The following KIF1B variants were observed in gnomAD, a reference collection of about 807,000 sequenced individuals.
KIF1B encodes kinesin family member 1B.
KIF1B carries 76 observed loss-of-function variants against 241.9 expected under a neutral mutation model. That is an observed-to-expected ratio of 0.31 (90% CI 0.26 to 0.38). KIF1B has a LOEUF of 0.38. KIF1B is among the 10% of genes least tolerant of loss of function. The pLI is 1.00. For synonymous variants in KIF1B, 750 were observed against 796.7 expected (o/e 0.94, Z 0.99); for missense variants, 1,622 against 2,271.4 (o/e 0.71, Z 5.81).
chr1:10,241,986 A>C (rs543010555), intron 2 of KIF1B, among the ~76,000 whole-genome samples: 2 of 152,280 alleles, frequency 1.3e-5, no homozygotes, highest in South Asian at 4.1e-4. Context: ...TTTCGGTAGT[A>C]CCTGTTTATC....
chr1:10,216,957 C>CTT lies in KIF1B; in HGVS notation c.-80+6112_-80+6113dup, dbSNP rs70998362. 3.9e-3 allele frequency among the ~76,000 whole-genome samples: 211 copies of CTT among 54,500 alleles called. 11 individuals are homozygous for CTT. Among genetic ancestry groups the CTT allele is most frequent in the East Asian group, 0.011 (13 of 1,170 alleles). The allele number at this position is 54,500 out of a possible 152,430, so 35.8% of individuals were successfully genotyped here. ...TTTCCCTGCAGTACTTGCCCATTTT[C>CTT]TTTTTTTTTTTTTTTTTTTTTTTTT... On this transcript the variant is annotated intron_variant, in intron 1 of 48. Transcript: ENST00000676179.
At chr1:10,373,990 G>A (rs1198267280) in intron 45 of KIF1B, among the ~76,000 whole-genome samples, 2 of 152,276 alleles carry the variant, frequency 1.3e-5, no homozygotes, top group East Asian at 1.9e-4. Context: ...TGTGGCCATG[G>A]GACTAAAAAG....
At chr1:10,361,914 C>T (rs1181091404) in intron 40 of KIF1B, 89 bp downstream of exon 40, 13 of 1,483,682 alleles carry the variant, frequency 8.8e-6, no homozygotes, top group East Asian at 2.3e-5. Context: ...TACTGTCTCA[C>T]GGTTAGTTTA....
At chr1:10,291,024 C>T (rs1368800656) in intron 15 of KIF1B, 58 bp from the exon 16 acceptor site, 1 of 1,342,802 alleles carries the variant, frequency 7.4e-7, no homozygotes, top group South Asian at 1.2e-5. Flanking sequence ...GCTTTTCTAG[C>T]ATGGTATGTT....
chr1:10,305,435 T>G (rs2102274314), intron 22 of KIF1B: 1 of 1,057,622 alleles, frequency 9.5e-7, no homozygotes, highest in East Asian at 5.2e-5. Context: ...AGTGAACTAT[T>G]CACCAAAATC....
At position 10,290,626 on chromosome 1, in the gene KIF1B, C is replaced by T. The variant is rs576371646; in HGVS notation, c.1435-456C>T. The stretch of plus-strand genomic sequence containing the variant: ...CCTCCTGAGTAGCTGGGATTACAGG[C>T]GCCTGCCACCATGCCCACGTGGATC... On this transcript the variant is annotated intron_variant, in intron 15 of 48. Transcript: ENST00000676179. 4.6e-5 allele frequency among the ~76,000 whole-genome samples: 7 copies of T among 151,930 alleles called. 2 individuals are homozygous for T. The highest frequency in any genetic ancestry group is 1.7e-4 in the African/African-American group (7 of 41,468).
chr1:10,224,337 C>T (rs546663064), intron 1 of KIF1B, among the ~76,000 whole-genome samples: 1 of 151,662 alleles, frequency 6.6e-6, no homozygotes, highest in African/African-American at 2.4e-5. Flanking sequence ...AGGATGGTCT[C>T]GATTTCCTGA....
Position 10,236,012 on chromosome 1 carries a change from C to A in KIF1B, c.106+3578C>A, listed in dbSNP as rs1647046850. The stretch of plus-strand genomic sequence containing the variant: ...TTTGGGCCGGGCACGGTGGCTCAAG[C>A]CTCTAATCCCAGCACTTTGGGAGGC... On this transcript the variant is annotated intron_variant, in intron 2 of 48. Transcript: ENST00000676179. 2.6e-5 allele frequency among the ~76,000 whole-genome samples: 4 copies of A among 151,938 alleles called. No homozygotes were observed. The South Asian group carries it at 8.3e-4, about 31-fold the overall frequency.
chr1:10,310,036 G>A lies in KIF1B; in HGVS notation c.2116-10007G>A, dbSNP rs540045683. On this transcript the variant is annotated intron_variant, in intron 22 of 48. Coordinates refer to ENST00000676179, the MANE Select transcript of KIF1B (RefSeq NM_001365951.3). ...GCTCTTTCTGCCCAGCCCACCACAAGTTGACTCACTGTTTTAATAATGATG... is the reference window on the plus strand; with the variant it reads ...GCTCTTTCTGCCCAGCCCACCACAAATTGACTCACTGTTTTAATAATGATG... Among the ~76,000 whole-genome samples the A allele has an allele frequency of 7.3e-5, 11 of 151,462 alleles. No individual in the cohort carries two copies. In the South Asian group the frequency reaches 8.3e-4, roughly 11 times the overall value.
At position 10,210,895 on chromosome 1, in the gene KIF1B, G is replaced by GGCCGCGGTTGGC. The variant is rs1553159069; in HGVS notation, c.-80+26_-80+37dup. On this transcript the variant is annotated intron_variant, in intron 1 of 48. Coordinates refer to ENST00000676179, the MANE Select transcript of KIF1B (RefSeq NM_001365951.3). The surrounding 1 kb of genome is among the most constrained non-coding windows in gnomAD (Gnocchi z 4.1). ...GCGGCTGAGGTAAGGCGGCGGGGCT[G>GGCCGCGGTTGGC]GCCGCGGTTGGCGCCGCGGTCGCGG... The GGCCGCGGTTGGC allele has an allele frequency of 6.6e-6, 1 of 151,140 alleles. No individual in the cohort carries two copies. Among genetic ancestry groups the GGCCGCGGTTGGC allele is most frequent in the South Asian group, 2.1e-4 (1 of 4,838 alleles). 9.4% of individuals were successfully genotyped at this position (151,140 alleles called of 1,614,324 possible).
At chr1:10,327,083 C>T (rs542719972) in intron 27 of KIF1B, among the ~76,000 whole-genome samples, 4 of 152,026 alleles carry the variant, frequency 2.6e-5, no homozygotes, top group Non-Finnish European at 4.4e-5. Context: ...GTGGCTCACC[C>T]CTGTAATCCT....
chr1:10,360,554 G>A (rs1313741294), intron 38 of KIF1B, among the ~76,000 whole-genome samples: 8 of 151,722 alleles, frequency 5.3e-5, no homozygotes, highest in Admixed American at 2.6e-4. Context: ...GCGTGGTGGC[G>A]GGCGCCTGTA....
In KIF1B at chr1:10,271,330, G is replaced by GT. The variant is rs1217466255; in HGVS notation, c.721-169dup. ...TGCCATTGCACCTGCCGTGTGTACT[G>GT]TTTAAACTAACTGATAGATGTTGTC... On this transcript the variant is annotated intron_variant, in intron 7 of 48. Transcript: ENST00000676179. Among the ~76,000 whole-genome samples the GT allele has an allele frequency of 3.9e-5, 6 of 152,268 alleles. No homozygotes were observed. The East Asian group carries it at 1.2e-3, about 29-fold the overall frequency.
At chr1:10,316,835 G>C (rs1023396315) in intron 22 of KIF1B, among the ~76,000 whole-genome samples, 2 of 151,542 alleles carry the variant, frequency 1.3e-5, no homozygotes, top group Non-Finnish European at 2.9e-5. Context: ...TCTTGATTCA[G>C]TTATTACATC....
rs1260709321 is a variant in KIF1B, at chr1:10,378,248, G to C, written c.*1661G>C. On this transcript the variant is annotated 3_prime_UTR_variant, in exon 49 of 49. Coordinates refer to ENST00000676179, the MANE Select transcript of KIF1B (RefSeq NM_001365951.3). ...GAGCCCGGGCCCCAGGCTTTGTTGC[G>C]TGTTCCCTGCTCCTCTCCATCTGGT... is the stretch of plus-strand genomic sequence containing the variant. The C allele has an allele frequency of 1.4e-6, 1 of 708,376 alleles. No individual in the cohort carries two copies. The highest frequency in any genetic ancestry group is 1.8e-5 in the African/African-American group (1 of 56,854). 43.9% of individuals were successfully genotyped at this position (708,376 alleles called of 1,614,324 possible).
chr1:10,301,487 GA>G (rs779124819), intron 22 of KIF1B, among the ~76,000 whole-genome samples: 1 of 152,046 alleles, frequency 6.6e-6, no homozygotes, highest in Non-Finnish European at 1.5e-5. Context: ...CCAACATGGT[GA>G]AACCCCATCT....
At position 10,258,539 on chromosome 1, in the gene KIF1B, T is replaced by C; in HGVS notation, c.230T>C (p.Ile77Thr). 6.2e-7 allele frequency: 1 copy of C among 1,614,200 alleles called. No individual in the cohort carries two copies. The highest frequency in any genetic ancestry group is 8.5e-7 in the Non-Finnish European group (1 of 1,180,044). ...TCTCAAAACCGTGTGTACAATGACA[T>C]TGGCAAGGAAATGCTCTTACACGCC... is the stretch of plus-strand genomic sequence containing the variant. ...FASQNRVYND[I>T]GKEMLLHAFE... Residue 77 changes from isoleucine to threonine, a missense_variant, in exon 4 of 49, where the codon ATT becomes ACT. Physicochemically the swap from Ile to Thr is moderately conservative, Grantham distance 89 (BLOSUM62 -1). Around this residue, in one of 7 missense-constraint regions of KIF1B, gnomAD observed 156 missense variants for 244.8 expected, o/e 0.64. Transcript: ENST00000676179.
chr1:10,366,445 G>C (rs116266845), intron 43 of KIF1B, among the ~76,000 whole-genome samples: 2,567 of 151,680 alleles, frequency 0.017, 62 homozygotes, highest in African/African-American at 0.058. Flanking sequence ...GGGAGGCAGT[G>C]GTGTCCTGCG....
chr1:10,331,111 A>T (rs1651906195), intron 27 of KIF1B, among the ~76,000 whole-genome samples: 1 of 147,802 alleles, frequency 6.8e-6, no homozygotes, highest in African/African-American at 2.5e-5. Context: ...AAAAAAAAAG[A>T]CATCAAAGGC....
Sources: gnomAD v4.1 joint callset for allele counts (sites outside exome capture counted in the v4.1 genomes callset) on GRCh38, gnomAD v4.1.1 for gene constraint, gnomAD v4.1.1 regional missense constraint, Gnocchi (gnomAD v3.1) non-coding constraint, MANE v1.5 for transcripts, NCBI Gene and HGNC (gene_info 2026-07-23, HGNC 2026-07-21) for gene names.